AGBL4: variants seen among roughly 807,000 people sequenced by gnomAD.
AGBL4 encodes the protein AGBL carboxypeptidase 4.
A neutral mutation model predicts 66.4 loss-of-function variants in AGBL4; 58 were observed. That is an observed-to-expected ratio of 0.87 (90% CI 0.71 to 1.09). The LOEUF (loss-of-function observed/expected upper bound fraction) is 1.09, where lower values mean the gene tolerates loss of function less well. Ranked by LOEUF, AGBL4 falls within the 50% of genes least tolerant of loss-of-function variation. AGBL4 has a pLI of 0.00. For synonymous variants in AGBL4, 234 were observed against 222.9 expected, an observed-to-expected ratio of 1.05 and a Z score of -0.44; for missense variants, 579 against 631.0, an observed-to-expected ratio of 0.92 and a Z score of 0.88.
At chr1:48,721,876 A>G (rs752600) in intron 6 of AGBL4, among the ~76,000 whole-genome samples, 7,246 of 152,274 alleles carry the variant, frequency 0.048, 212 homozygotes, top group Middle Eastern at 0.13. Context: ...GACTTTTGTC[A>G]TTTATTCATT....
chr1:49,448,494 T>A (rs1001715286), intron 3 of AGBL4, among the ~76,000 whole-genome samples: 1 of 152,210 alleles, frequency 6.6e-6, no homozygotes, highest in Non-Finnish European at 1.5e-5. Context: ...CTAGCATGGA[T>A]AACTTGACAT....
chr1:48,671,353 A>T (rs1259961543), intron 6 of AGBL4, among the ~76,000 whole-genome samples: 1 of 152,254 alleles, frequency 6.6e-6, no homozygotes, highest in Admixed American at 6.5e-5. Flanking sequence ...CTGAGAAGTC[A>T]GACACTGTCC....
intron 4 of AGBL4, among the ~76,000 whole-genome samples, chr1:49,084,956 T>G (rs1644878119): frequency 6.6e-6 from 1 of 152,142 alleles, no homozygotes; most frequent in Admixed American, 6.5e-5. Flanking sequence ...TTTCAAGGTG[T>G]GATGGTTTAA....
intron 3 of AGBL4, among the ~76,000 whole-genome samples, chr1:49,427,519 C>T (rs949213327): frequency 6.6e-6 from 1 of 152,058 alleles, no homozygotes; most frequent in South Asian, 2.1e-4. Flanking sequence ...AGCCACGGAC[C>T]CTTGCAGTGA....
intron 2 of AGBL4, among the ~76,000 whole-genome samples, chr1:49,850,518 C>T (rs1213702334): frequency 1.3e-5 from 2 of 152,106 alleles, no homozygotes; most frequent in African/African-American, 4.8e-5. Flanking sequence ...TAACCCACTT[C>T]GTAGTACTTT....
At chr1:48,614,190 G>C (rs1238762292) in intron 9 of AGBL4, among the ~76,000 whole-genome samples, 1 of 152,184 alleles carries the variant, frequency 6.6e-6, no homozygotes, top group African/African-American at 2.4e-5. Context: ...AGAACTGTTG[G>C]CATCAACTAA....
chr1:49,474,309 T>A (rs1299201440), intron 3 of AGBL4, among the ~76,000 whole-genome samples: 1 of 152,060 alleles, frequency 6.6e-6, no homozygotes, highest in Non-Finnish European at 1.5e-5. Context: ...TTCTTTCAGC[T>A]CTGTTTTCTA....
chr1:48,845,352 C>T (rs1646886107), intron 6 of AGBL4, among the ~76,000 whole-genome samples: 1 of 152,150 alleles, frequency 6.6e-6, no homozygotes, highest in Non-Finnish European at 1.5e-5. Flanking sequence ...GAGGTCTGAA[C>T]AAACATGAAT....
intron 5 of AGBL4, among the ~76,000 whole-genome samples, chr1:48,887,571 G>A (rs1305279021): frequency 6.6e-6 from 1 of 152,106 alleles, no homozygotes; most frequent in African/African-American, 2.4e-5. Context: ...GGGGAATTGA[G>A]GCTCAGAGAG....
intron 2 of AGBL4, among the ~76,000 whole-genome samples, chr1:49,836,825 C>A (rs112848251): frequency 0.028 from 4,191 of 152,252 alleles, 163 homozygotes; most frequent in African/African-American, 0.095. Flanking sequence ...TTCCTTTTAA[C>A]AGTCAGGCCC....
chr1:49,160,831 G>A (rs932290022), intron 4 of AGBL4, among the ~76,000 whole-genome samples: 6 of 152,158 alleles, frequency 3.9e-5, no homozygotes, highest in Non-Finnish European at 8.8e-5. Flanking sequence ...CGAACTTCCA[G>A]GTGGCTTTAT....
intron 6 of AGBL4, among the ~76,000 whole-genome samples, chr1:48,728,702 C>T (rs1347482315): frequency 1.3e-5 from 2 of 152,164 alleles, no homozygotes; most frequent in Non-Finnish European, 2.9e-5. Flanking sequence ...CCAGTATCAG[C>T]CTAGGCGTGG....
chr1:48,947,359 G>A (rs1656603563), intron 5 of AGBL4, among the ~76,000 whole-genome samples: 1 of 152,202 alleles, frequency 6.6e-6, no homozygotes, highest in African/African-American at 2.4e-5. Context: ...CTCGAACAGT[G>A]CATCTTATAT....
chr1:49,970,708 AACACACACACAC>A (rs373722460), intron 1 of AGBL4, among the ~76,000 whole-genome samples: 15 of 113,992 alleles, frequency 1.3e-4, no homozygotes, highest in Admixed American at 4.0e-4. Flanking sequence ...AAAAAAACAA[AACACACACACAC>A]ACACACACAC....
At chr1:49,812,645 T>C (rs1230531114) in intron 2 of AGBL4, among the ~76,000 whole-genome samples, 1 of 152,172 alleles carries the variant, frequency 6.6e-6, no homozygotes, top group Non-Finnish European at 1.5e-5. Context: ...TCTAGAAATG[T>C]AGACCACTAA....
intron 3 of AGBL4, among the ~76,000 whole-genome samples, chr1:49,282,843 T>C (rs1228569796): frequency 2.0e-5 from 3 of 152,138 alleles, no homozygotes; most frequent in African/African-American, 7.2e-5. Context: ...CAAGAGATTA[T>C]ATCCCGCACC....
intron 5 of AGBL4, among the ~76,000 whole-genome samples, chr1:48,995,432 G>A (rs1557539355): frequency 6.6e-6 from 1 of 152,158 alleles, no homozygotes; most frequent in Non-Finnish European, 1.5e-5. Context: ...CATTATTCTA[G>A]GTGCTGGGAA....
intron 3 of AGBL4, among the ~76,000 whole-genome samples, chr1:49,665,385 T>C (rs1281464807): frequency 1.3e-5 from 2 of 152,150 alleles, no homozygotes; most frequent in African/African-American, 4.8e-5. Context: ...TTCTACAAAC[T>C]GTATTAGGCT....
intron 3 of AGBL4, among the ~76,000 whole-genome samples, chr1:49,580,024 T>C (rs976594288): frequency 6.6e-6 from 1 of 152,224 alleles, no homozygotes; most frequent in Non-Finnish European, 1.5e-5. Flanking sequence ...AGGGTTGTTA[T>C]ATTCTCACGC....
Sources: gnomAD v4.1 joint callset for allele counts (sites outside exome capture counted in the v4.1 genomes callset) on GRCh38, gnomAD v4.1.1 for gene constraint, MANE v1.5 for transcripts, NCBI Gene and HGNC (gene_info 2026-07-23, HGNC 2026-07-21) for gene names.